The following GLIS1 variants were observed in gnomAD, a reference collection of about 807,000 sequenced individuals.
The protein encoded by GLIS1 is GLIS family zinc finger 1.
GLIS1 carries 24 observed loss-of-function variants against 63.8 expected under a neutral mutation model. The ratio of observed to expected loss-of-function variants is 0.38; its 90% CI spans 0.27 to 0.53. The LOEUF (loss-of-function observed/expected upper bound fraction) is 0.53, where lower values mean the gene tolerates loss of function less well. Among genes scored for constraint, GLIS1 ranks in the 20% least tolerant of loss-of-function variants. The pLI, the probability that GLIS1 is intolerant of heterozygous loss-of-function variation, is 0.85. For synonymous variants in GLIS1, 450 were observed against 482.5 expected, an observed-to-expected ratio of 0.93 and a Z score of 0.88; for missense variants, 1,036 against 1,074.1, an observed-to-expected ratio of 0.96 and a Z score of 0.50.
intron 4 of GLIS1, among the ~76,000 whole-genome samples, chr1:53,536,942 C>T (rs369374371): frequency 6.6e-6 from 1 of 152,332 alleles, no homozygotes; most frequent in African/African-American, 2.4e-5. Flanking sequence ...TGTGTTACAG[C>T]AGAAGATTAA....
At chr1:53,645,285 C>G (rs1028456251) in intron 2 of GLIS1, among the ~76,000 whole-genome samples, 2 of 152,196 alleles carry the variant, frequency 1.3e-5, no homozygotes, top group African/African-American at 4.8e-5. Flanking sequence ...ATAGCCCTCT[C>G]CAACACTTCC....
intron 4 of GLIS1, among the ~76,000 whole-genome samples, chr1:53,567,522 G>A (rs1644945624): frequency 6.6e-6 from 1 of 152,206 alleles, no homozygotes; most frequent in Non-Finnish European, 1.5e-5. Flanking sequence ...TTGCATAAGA[G>A]GAGCCGAATG....
intron 7 of GLIS1, among the ~76,000 whole-genome samples, chr1:53,515,816 TAAAAAAAAAAAAA>T (rs58953406): frequency 2.9e-5 from 2 of 69,136 alleles, no homozygotes; most frequent in South Asian, 5.5e-4. Flanking sequence ...CTATTTTATC[TAAAAAAAAAAAAA>T]AAAAAAAAAA....
intron 3 of GLIS1, among the ~76,000 whole-genome samples, chr1:53,597,305 G>A (rs1645268504): frequency 6.7e-6 from 1 of 149,390 alleles, no homozygotes; most frequent in Non-Finnish European, 1.5e-5. Flanking sequence ...CCCGGGAGGC[G>A]GAGCTTGCAG....
chr1:53,647,499 C>T (rs1379208948), intron 2 of GLIS1, among the ~76,000 whole-genome samples: 2 of 152,000 alleles, frequency 1.3e-5, no homozygotes, highest in African/African-American at 4.8e-5. Context: ...TATACAATGT[C>T]GGAAAAAAGA....
At chr1:53,519,654 C>T (rs1644386612) in intron 7 of GLIS1, among the ~76,000 whole-genome samples, 1 of 152,160 alleles carries the variant, frequency 6.6e-6, no homozygotes, top group Non-Finnish European at 1.5e-5. Context: ...TGCCCCGTGG[C>T]CCACGGCTGC....
intron 2 of GLIS1, among the ~76,000 whole-genome samples, chr1:53,701,465 G>A (rs1646521764): frequency 6.6e-6 from 1 of 152,192 alleles, no homozygotes; most frequent in South Asian, 2.1e-4. Context: ...CTGTCAAAAG[G>A]AACACTTACT....
intron 2 of GLIS1, among the ~76,000 whole-genome samples, chr1:53,729,842 T>C (rs540987315): frequency 6.6e-6 from 1 of 152,288 alleles, no homozygotes; most frequent in South Asian, 2.1e-4. Context: ...TAATAGTGTC[T>C]CCAAATTAGA....
intron 2 of GLIS1, among the ~76,000 whole-genome samples, chr1:53,613,808 C>A (rs1399583325): frequency 1.3e-5 from 2 of 152,194 alleles, no homozygotes; most frequent in Non-Finnish European, 2.9e-5. Flanking sequence ...CATTCCCCCA[C>A]AGCTCCACAG....
Position 53,594,673 on chromosome 1 carries a change from G to A in GLIS1, c.755C>T (p.Ser252Phe), listed in dbSNP as rs1645234046. The A allele has an allele frequency of 4.5e-6, 7 of 1,552,514 alleles. No homozygotes were observed. Among genetic ancestry groups the A allele is most frequent in the South Asian group, 1.2e-5 (1 of 81,192 alleles). Residue 252 changes from serine to phenylalanine, a missense_variant, in exon 4 of 11, where the codon TCC becomes TTC. By Grantham distance (155) the Ser-to-Phe change is radical. Coordinates refer to ENST00000628545, the MANE Select transcript of GLIS1 (RefSeq NM_001367484.1). ...VLGLPPTSPASSSPCASSDVT... is the reference protein window; with the variant it reads ...VLGLPPTSPAFSSPCASSDVT... The stretch of plus-strand genomic sequence containing the variant: ...GTCGGAGGAGGCACAGGGTGAGGAG[G>A]AGGCTGGGGAGGTGGGGGGTAGGCC...
intron 2 of GLIS1, among the ~76,000 whole-genome samples, chr1:53,732,037 C>T (rs1646866770): frequency 6.6e-6 from 1 of 152,350 alleles, no homozygotes; most frequent in East Asian, 1.9e-4. Context: ...GTGTTAGCTC[C>T]AGGCAGGCCC....
intron 4 of GLIS1, among the ~76,000 whole-genome samples, chr1:53,551,280 T>A (rs1164251870): frequency 6.6e-6 from 1 of 152,222 alleles, no homozygotes; most frequent in Non-Finnish European, 1.5e-5. Flanking sequence ...TTTGCCAAAT[T>A]TCTAACATAT....
At chr1:53,554,830 C>T (rs1261097178) in intron 4 of GLIS1, among the ~76,000 whole-genome samples, 1 of 152,200 alleles carries the variant, frequency 6.6e-6, no homozygotes, top group East Asian at 1.9e-4. Context: ...CTCGACACAC[C>T]CCCTGTCCCT....
intron 2 of GLIS1, among the ~76,000 whole-genome samples, chr1:53,644,208 C>T (rs1183974240): frequency 1.3e-5 from 2 of 152,194 alleles, no homozygotes; most frequent in African/African-American, 2.4e-5. Flanking sequence ...GGGTCACCCT[C>T]CCTCCACTTG....
At chr1:53,576,722 A>ATAC (rs1367582100) in intron 4 of GLIS1, among the ~76,000 whole-genome samples, 1 of 152,124 alleles carries the variant, frequency 6.6e-6, no homozygotes, top group African/African-American at 2.4e-5. Context: ...ATATGCACAC[A>ATAC]TACTCGTGCA....
intron 4 of GLIS1, among the ~76,000 whole-genome samples, chr1:53,591,323 G>A (rs544881024): frequency 6.6e-6 from 1 of 152,166 alleles, no homozygotes; most frequent in Non-Finnish European, 1.5e-5. Flanking sequence ...AGGAGGCCAG[G>A]GGAGGCTCTG....
At chr1:53,651,873 CAAA>C (rs1218432150) in intron 2 of GLIS1, among the ~76,000 whole-genome samples, 10 of 91,382 alleles carry the variant, frequency 1.1e-4, no homozygotes, top group Admixed American at 1.2e-4. Flanking sequence ...GATCTTGTCT[CAAA>C]AAAAAAAAAA....
At chr1:53,577,896 C>T (rs1226786613) in intron 4 of GLIS1, among the ~76,000 whole-genome samples, 1 of 152,100 alleles carries the variant, frequency 6.6e-6, no homozygotes, top group Non-Finnish European at 1.5e-5. Context: ...AGCGAGGCTT[C>T]GTTAACTCAC....
chr1:53,524,724 C>A, intron 6 of GLIS1, 53 bp downstream of exon 6: 1 of 1,295,856 alleles, frequency 7.7e-7, no homozygotes, highest in Non-Finnish European at 1.1e-6. Context: ...TGGCCTGATG[C>A]GGTGCAGGCG....
Sources: allele counts gnomAD v4.1 joint callset (sites outside exome capture counted in the v4.1 genomes callset), GRCh38; gene constraint gnomAD v4.1.1; transcripts MANE v1.5; gene names NCBI Gene and HGNC (gene_info 2026-07-23, HGNC 2026-07-21).